ZNF385B: variants seen among roughly 807,000 people sequenced by gnomAD.
ZNF385B encodes zinc finger protein 385B, also known as zinc finger protein 533.
Under a neutral mutation model 39.2 loss-of-function variants are expected in ZNF385B, and 23 were observed. The ratio of observed to expected loss-of-function variants is 0.59; its 90% CI spans 0.42 to 0.83. The LOEUF (loss-of-function observed/expected upper bound fraction) is 0.83. Ranked by LOEUF, ZNF385B falls within the 40% of genes least tolerant of loss-of-function variation. The pLI is 0.00. For synonymous variants in ZNF385B, 205 were observed against 222.6 expected (o/e 0.92, Z 0.70); for missense variants, 552 against 598.9 (o/e 0.92, Z 0.82).
intron 3 of ZNF385B, among the ~76,000 whole-genome samples, chr2:179,688,053 C>CT (rs1325681391): frequency 2.0e-5 from 3 of 152,144 alleles, no homozygotes; most frequent in Admixed American, 1.3e-4. Flanking sequence ...AACTGGGACT[C>CT]TGACTCTGCC....
chr2:179,521,543 T>G (rs10208209), intron 4 of ZNF385B, among the ~76,000 whole-genome samples: 40,097 of 151,536 alleles, frequency 0.26, 6,230 homozygotes, highest in East Asian at 0.53. Context: ...TGCACCACAT[T>G]GGCCTGAAAA....
chr2:179,491,402 G>T (rs2055211566), intron 5 of ZNF385B, among the ~76,000 whole-genome samples: 1 of 152,162 alleles, frequency 6.6e-6, no homozygotes, highest in Non-Finnish European at 1.5e-5. Flanking sequence ...GCCACATGAA[G>T]TAAATGAAAC....
intron 4 of ZNF385B, among the ~76,000 whole-genome samples, chr2:179,522,185 A>G (rs917566025): frequency 2.0e-5 from 3 of 152,206 alleles, no homozygotes; most frequent in Admixed American, 6.5e-5. Context: ...AGTCATTTCA[A>G]TGGGATCCAA....
intron 3 of ZNF385B, among the ~76,000 whole-genome samples, chr2:179,577,654 T>A (rs1023816963): frequency 6.6e-6 from 1 of 152,058 alleles, no homozygotes; most frequent in Non-Finnish European, 1.5e-5. Context: ...CTTTTTCTTA[T>A]CAGAAAAAAA....
chr2:179,837,127 A>C (rs1012543137), intron 1 of ZNF385B, among the ~76,000 whole-genome samples: 4 of 152,248 alleles, frequency 2.6e-5, no homozygotes, highest in Non-Finnish European at 5.9e-5. Flanking sequence ...CTAAAAACTG[A>C]GATTGACAAT....
At chr2:179,570,614 CTT>C (rs1330338334) in intron 3 of ZNF385B, among the ~76,000 whole-genome samples, 2 of 152,152 alleles carry the variant, frequency 1.3e-5, no homozygotes, top group Admixed American at 6.6e-5. Flanking sequence ...TTAGTTCTCT[CTT>C]TGTTTCTCTG....
intron 3 of ZNF385B, among the ~76,000 whole-genome samples, chr2:179,697,351 A>G (rs1374923033): frequency 6.6e-6 from 1 of 151,572 alleles, no homozygotes; most frequent in Non-Finnish European, 1.5e-5. Context: ...TAGTGAGTGA[A>G]CTCTCATGAG....
At position 179,493,686 on chromosome 2, in the gene ZNF385B, C is replaced by CATATATGTAT. The variant is rs1559336609; in HGVS notation, c.553-10253_553-10252insATACATATAT. Among the ~76,000 whole-genome samples the CATATATGTAT allele has an allele frequency of 4.4e-4, 31 of 70,318 alleles. 1 individual carries two copies. The highest frequency in any genetic ancestry group is 7.8e-4 in the Non-Finnish European group (25 of 32,162). 46.1% of individuals were successfully genotyped at this position (70,318 alleles called of 152,430 possible). On this transcript the variant is annotated intron_variant, in intron 5 of 9. Transcript: ENST00000410066. ...GTATATGCATATGCATATACATATA[C>CATATATGTAT]ACATATATACATATATGTATACACA... is the stretch of plus-strand genomic sequence containing the variant.
chr2:179,481,754 A>G (rs1487194449), intron 6 of ZNF385B, among the ~76,000 whole-genome samples: 1 of 152,190 alleles, frequency 6.6e-6, no homozygotes, highest in Non-Finnish European at 1.5e-5. Flanking sequence ...GTATTATTCC[A>G]TAAAGGCAGT....
intron 1 of ZNF385B, among the ~76,000 whole-genome samples, chr2:179,846,904 T>C (rs1708827363): frequency 6.6e-6 from 1 of 152,200 alleles, no homozygotes; most frequent in South Asian, 2.1e-4. Context: ...AGCTGTGCCA[T>C]TTGAGCACAT....
In ZNF385B at chr2:179,629,738, G is replaced by A. The variant is rs568974806; in HGVS notation, c.299-84769C>T. On this transcript the variant is annotated intron_variant, in intron 3 of 9. Coordinates refer to ENST00000410066, the MANE Select transcript of ZNF385B (RefSeq NM_152520.6). ...CATCACCTCACCCAGGAAGCACAAG[G>A]GGCTGGGGGATTTCCCTTTCCTAGC... is the stretch of plus-strand genomic sequence containing the variant. Among the ~76,000 whole-genome samples, 7 of 152,280 alleles carry A rather than the reference G, an allele frequency of 4.6e-5. No homozygotes were observed. In the South Asian group the frequency reaches 1.5e-3, roughly 32 times the overall value.
intron 1 of ZNF385B, among the ~76,000 whole-genome samples, chr2:179,815,023 T>G (rs2106572150): frequency 6.6e-6 from 1 of 152,338 alleles, no homozygotes; most frequent in South Asian, 2.1e-4. Flanking sequence ...ATTTCTAAAA[T>G]ACTTCACAGT....
At chr2:179,856,284 G>A (rs914460697) in intron 1 of ZNF385B, among the ~76,000 whole-genome samples, 2 of 152,058 alleles carry the variant, frequency 1.3e-5, no homozygotes, top group Non-Finnish European at 2.9e-5. Flanking sequence ...AGGAACACCA[G>A]ACGGGGGCAT....
chr2:179,458,571 T>C (rs751939455), intron 6 of ZNF385B, among the ~76,000 whole-genome samples: 1 of 152,190 alleles, frequency 6.6e-6, no homozygotes, highest in Non-Finnish European at 1.5e-5. Flanking sequence ...GTCATCCTTG[T>C]AGCAGCTACA....
At chr2:179,476,871 C>T (rs2053496175) in intron 6 of ZNF385B, among the ~76,000 whole-genome samples, 1 of 152,128 alleles carries the variant, frequency 6.6e-6, no homozygotes, top group Admixed American at 6.5e-5. Flanking sequence ...GAACTTCAGA[C>T]TTAAGATGTT....
intron 3 of ZNF385B, among the ~76,000 whole-genome samples, chr2:179,656,994 T>A (rs964445033): frequency 1.3e-5 from 2 of 152,160 alleles, no homozygotes; most frequent in South Asian, 2.1e-4. Context: ...ATAGAAAACG[T>A]TGATGAACCA....
chr2:179,822,828 T>G (rs1707481025), intron 1 of ZNF385B, among the ~76,000 whole-genome samples: 1 of 152,312 alleles, frequency 6.6e-6, no homozygotes, highest in South Asian at 2.1e-4. Flanking sequence ...AATTCTGTGC[T>G]TATGGGAGTA....
At position 179,635,595 on chromosome 2, in the gene ZNF385B, T is replaced by A. The variant is rs184761645; in HGVS notation, c.299-90626A>T. Among the ~76,000 whole-genome samples, 362 of 152,200 alleles carry A rather than the reference T, an allele frequency of 2.4e-3. 1 individual carries two copies. The highest frequency in any genetic ancestry group is 8.4e-3 in the African/African-American group (348 of 41,528). On this transcript the variant is annotated intron_variant, in intron 3 of 9. Transcript: ENST00000410066. ...ACAAAATTAGGCAAGAAAGTGAATA[T>A]TTATTAAGGTTGAGGGAAAGAAATC...
chr2:179,513,367 A>G (rs551478521), intron 5 of ZNF385B, among the ~76,000 whole-genome samples: 17 of 152,350 alleles, frequency 1.1e-4, no homozygotes, highest in Non-Finnish European at 2.4e-4. Context: ...CCAGAGTCTA[A>G]GAATGACTCA....
Sources: allele counts gnomAD v4.1 joint callset (sites outside exome capture counted in the v4.1 genomes callset), GRCh38; gene constraint gnomAD v4.1.1; transcripts MANE v1.5; gene names NCBI Gene and HGNC (gene_info 2026-07-23, HGNC 2026-07-21).